Variants in MCM9 observed in about 807,000 individuals in gnomAD.
MCM9 encodes the protein minichromosome maintenance 9 homologous recombination repair factor.
MCM9 carries 55 observed loss-of-function variants against 72.8 expected under a neutral mutation model. That is an observed-to-expected ratio of 0.76 (90% CI 0.61 to 0.95). The LOEUF (loss-of-function observed/expected upper bound fraction) is 0.95. MCM9 is among the 40% of genes least tolerant of loss of function. The pLI is 0.00. For missense variants in MCM9, 1,279 were observed against 1,377.0 expected (o/e 0.93, Z 1.13); for synonymous variants, 480 against 503.4 (o/e 0.95, Z 0.62).
chr6:118,925,598 G>A (rs986045642), intron 3 of MCM9, among the ~76,000 whole-genome samples: 4 of 152,174 alleles, frequency 2.6e-5, no homozygotes, highest in Non-Finnish European at 4.4e-5. Flanking sequence ...ACTGTAGAGT[G>A]TATAGACAAA....
chr6:118,888,736 T>C (rs1778762162), intron 8 of MCM9, among the ~76,000 whole-genome samples: 2 of 152,042 alleles, frequency 1.3e-5, no homozygotes, highest in South Asian at 2.1e-4. Flanking sequence ...TGGAAAATTA[T>C]TGGGTAATAA....
chr6:118,932,805 A>G (rs1782547176), intron 1 of MCM9, 65 bp from the exon 2 acceptor site: 1 of 154,462 alleles, frequency 6.5e-6, no homozygotes, highest in Non-Finnish European at 1.4e-5. Flanking sequence ...TCTTCAAATA[A>G]TAAAAAAGTA....
At chr6:118,854,252 T>C (rs1776412226) in intron 9 of MCM9, among the ~76,000 whole-genome samples, 1 of 152,200 alleles carries the variant, frequency 6.6e-6, no homozygotes. Context: ...TCTAGTACAA[T>C]ATTGACCAGA....
intron 8 of MCM9, among the ~76,000 whole-genome samples, chr6:118,893,695 A>C (rs1779104352): frequency 6.6e-6 from 1 of 152,140 alleles, no homozygotes; most frequent in South Asian, 2.1e-4. Flanking sequence ...CCCTGCAGCC[A>C]ATCTTTCTCT....
chr6:118,905,655 G>A, intron 8 of MCM9: 1 of 1,605,986 alleles, frequency 6.2e-7, no homozygotes. Flanking sequence ...ATTCTAGGCT[G>A]ATGCACCTAA....
At chr6:118,887,351 T>G (rs1168839242) in intron 8 of MCM9, among the ~76,000 whole-genome samples, 2 of 152,206 alleles carry the variant, frequency 1.3e-5, no homozygotes, top group Non-Finnish European at 2.9e-5. Flanking sequence ...CAATTCATTC[T>G]GAGAAAGGTT....
chr6:118,900,921 T>A (rs777531216), intron 8 of MCM9: 1 of 1,354,922 alleles, frequency 7.4e-7, no homozygotes, highest in South Asian at 1.2e-5. Context: ...CAAATATGTT[T>A]CGAAGTAGAC....
intron 8 of MCM9, among the ~76,000 whole-genome samples, chr6:118,869,450 T>C (rs1423531880): frequency 6.6e-6 from 1 of 151,770 alleles, no homozygotes; most frequent in African/African-American, 2.4e-5. Flanking sequence ...AAATGGCCTA[T>C]TGTAAGTATA....
chr6:118,903,224 C>T (rs1302271132), intron 8 of MCM9, among the ~76,000 whole-genome samples: 1 of 152,136 alleles, frequency 6.6e-6, no homozygotes, highest in Non-Finnish European at 1.5e-5. Flanking sequence ...CCCATCTCCA[C>T]CCACTTCAGG....
intron 2 of MCM9, among the ~76,000 whole-genome samples, chr6:118,932,277 G>GTGTAAATATACTCTA (rs1416129371): frequency 6.6e-6 from 1 of 152,148 alleles, no homozygotes; most frequent in Non-Finnish European, 1.5e-5. Flanking sequence ...ATCTAGGTTT[G>GTGTAAATATACTCTA]TGTAAATATA....
At chr6:118,894,360 C>T in intron 8 of MCM9, 1 of 1,535,396 alleles carries the variant, frequency 6.5e-7, no homozygotes, top group South Asian at 1.2e-5. Context: ...GCGCGCTGGA[C>T]TTTATTGTGC....
intron 11 of MCM9, among the ~76,000 whole-genome samples, chr6:118,827,259 A>T (rs114790304): frequency 0.01 from 1,574 of 152,340 alleles, 29 homozygotes; most frequent in African/African-American, 0.036. Flanking sequence ...CTACCAAACA[A>T]GCAATTCTAA....
In MCM9 at chr6:118,896,510, T is replaced by C. The variant is rs9401094; in HGVS notation, c.1150+15140A>G. On this transcript the variant is annotated intron_variant, in intron 8 of 13. Transcript: ENST00000619706. ...CCAGCCATTCATAAAGCCAAAACGT[T>C]CCATTTTTAACTGGGATCCATTCAG... 4.1e-3 allele frequency among the ~76,000 whole-genome samples: 619 copies of C among 152,294 alleles called. 11 individuals are homozygous for C. The East Asian group carries it at 0.042, about 10-fold the overall frequency.
chr6:118,890,721 CTATATT>C (rs577812221), intron 8 of MCM9, among the ~76,000 whole-genome samples: 90 of 152,242 alleles, frequency 5.9e-4, no homozygotes, highest in African/African-American at 1.9e-3. Context: ...AATCTCTAGT[CTATATT>C]TATACAGAAA....
At chr6:118,836,245 T>C (rs1423041988) in intron 9 of MCM9, among the ~76,000 whole-genome samples, 1 of 152,244 alleles carries the variant, frequency 6.6e-6, no homozygotes, top group African/African-American at 2.4e-5. Flanking sequence ...CTGGATTCAG[T>C]TTGCCAGTAT....
intron 8 of MCM9, among the ~76,000 whole-genome samples, chr6:118,902,720 C>T (rs1025419732): frequency 3.9e-5 from 6 of 152,110 alleles, no homozygotes; most frequent in African/African-American, 7.2e-5. Flanking sequence ...ACCTTGGTGT[C>T]AGTGTACATG....
Position 118,877,920 on chromosome 6 carries a change from T to G in MCM9, c.1151-21375A>C, listed in dbSNP as rs570998520. ...GCTCTCACCTGTAATCTCAACACTT[T>G]AGGAGGCTGAGATGAGGGATCACTT... On this transcript the variant is annotated intron_variant, in intron 8 of 13. Transcript: ENST00000619706. Among the ~76,000 whole-genome samples the G allele has an allele frequency of 3.3e-5, 5 of 152,246 alleles. No individual in the cohort carries two copies. In the East Asian group the frequency reaches 9.7e-4, roughly 29 times the overall value.
At chr6:118,923,688 T>G (rs1781624028) in intron 4 of MCM9, 123 bp downstream of exon 4, 2 of 832,608 alleles carry the variant, frequency 2.4e-6, no homozygotes, top group South Asian at 3.5e-5. Flanking sequence ...TCGAGCTTGA[T>G]CTTCCACAAA....
chr6:118,838,660 AT>A (rs1373715825), intron 9 of MCM9, among the ~76,000 whole-genome samples: 1 of 152,152 alleles, frequency 6.6e-6, no homozygotes, highest in Admixed American at 6.5e-5. Context: ...TGACCTCGTG[AT>A]CCGCCCGCCG....
Sources: gnomAD v4.1 joint callset for allele counts (sites outside exome capture counted in the v4.1 genomes callset) on GRCh38, gnomAD v4.1.1 for gene constraint, MANE v1.5 for transcripts, NCBI Gene and HGNC (gene_info 2026-07-23, HGNC 2026-07-21) for gene names.